Variants in PCYT1B observed in about 807,000 individuals in gnomAD.
PCYT1B encodes choline-phosphate cytidylyltransferase B.
In PCYT1B, 10 loss-of-function variants were observed where a neutral mutation model predicts 26.4. The ratio of observed to expected loss-of-function variants is 0.38; its 90% confidence interval spans 0.23 to 0.64. The LOEUF (loss-of-function observed/expected upper bound fraction) is 0.64, where lower values mean the gene tolerates loss of function less well. Ranked by LOEUF, PCYT1B falls within the 30% of genes least tolerant of loss-of-function variation. The probability of loss-of-function intolerance (pLI) is 0.56; values close to 1 mark genes in which losing one functional copy is unlikely to be tolerated. For synonymous variants in PCYT1B, 131 were observed against 108.4 expected (o/e 1.21, Z -1.29); for missense variants, 161 against 292.7 (o/e 0.55, Z 3.28).
chrX:24,586,946 T>C (rs752594759), intron 5 of PCYT1B, among the ~76,000 whole-genome samples: 1 of 111,758 alleles, frequency 8.9e-6, no homozygotes, highest in Non-Finnish European at 1.9e-5. Flanking sequence ...ATGGCTGCCA[T>C]TTAAGTAATG....
At chrX:24,612,911 G>A (rs1271802860) in intron 2 of PCYT1B, among the ~76,000 whole-genome samples, 1 of 112,236 alleles carries the variant, frequency 8.9e-6, no homozygotes, top group African/African-American at 3.2e-5. Context: ...TATTAACAAG[G>A]CTTGGATTGT....
At chrX:24,666,444 C>T (rs1168546082) in intron 1 of PCYT1B, among the ~76,000 whole-genome samples, 2 of 111,789 alleles carry the variant, frequency 1.8e-5, no homozygotes, top group African/African-American at 6.5e-5. Flanking sequence ...TTAGTCTTTG[C>T]TTCCAAAAGA....
At chrX:24,579,198 A>G (rs1924124198) in intron 6 of PCYT1B, 118 bp downstream of exon 6, 1 of 605,459 alleles carries the variant, frequency 1.7e-6, no homozygotes, top group Admixed American at 3.7e-5. Context: ...AAAAAAAAAA[A>G]AAGAGAGAGA....
intron 3 of PCYT1B, among the ~76,000 whole-genome samples, chrX:24,594,568 G>A (rs1924717606): frequency 8.9e-6 from 1 of 111,734 alleles, no homozygotes; most frequent in African/African-American, 3.3e-5. Flanking sequence ...ATGGCCTACT[G>A]ATAGAGCACA....
In PCYT1B at chrX:24,561,539, T is replaced by C. The variant is rs1317223553; in HGVS notation, c.*754A>G. On this transcript the variant is annotated 3_prime_UTR_variant, in exon 8 of 8. Coordinates refer to ENST00000379144, the MANE Select transcript of PCYT1B (RefSeq NM_004845.5). ...TTATATATTAGGAAGTTTTTCTTTGTTGCAGTTCCCACGGATTAAGGTAAT... is the reference window on the plus strand; with the variant it reads ...TTATATATTAGGAAGTTTTTCTTTGCTGCAGTTCCCACGGATTAAGGTAAT... 1.8e-5 allele frequency: 2 copies of C among 112,561 alleles called. No individual in the cohort carries two copies. Among genetic ancestry groups the C allele is most frequent in the Non-Finnish European group, 3.7e-5 (2 of 53,418 alleles). 9.3% of individuals were successfully genotyped at this position (112,561 alleles called of 1,213,427 possible).
intron 1 of PCYT1B, among the ~76,000 whole-genome samples, chrX:24,626,268 G>C (rs941846094): frequency 8.9e-6 from 1 of 112,064 alleles, no homozygotes; most frequent in Non-Finnish European, 1.9e-5. Context: ...CCACATTTCA[G>C]GTGCTCAATA....
chrX:24,618,670 T>C (rs190727422), intron 2 of PCYT1B, among the ~76,000 whole-genome samples: 49 of 107,871 alleles, frequency 4.5e-4, no homozygotes, highest in African/African-American at 1.6e-3. Flanking sequence ...CAGGCTGGAG[T>C]GCAGTGGCGC....
intron 1 of PCYT1B, among the ~76,000 whole-genome samples, chrX:24,656,744 C>T (rs995174665): frequency 9.3e-6 from 1 of 107,424 alleles, no homozygotes; most frequent in Non-Finnish European, 1.9e-5. Context: ...TTAGTAGAGA[C>T]GGGTCTCAAA....
intron 1 of PCYT1B, among the ~76,000 whole-genome samples, chrX:24,671,045 G>C (rs373281639): frequency 8.8e-4 from 97 of 110,352 alleles, no homozygotes; most frequent in African/African-American, 3.1e-3. Flanking sequence ...TTGGCTCACT[G>C]TAACCTCCAC....
intron 3 of PCYT1B, among the ~76,000 whole-genome samples, chrX:24,601,468 G>A (rs982769118): frequency 1.9e-5 from 2 of 106,262 alleles, no homozygotes; most frequent in African/African-American, 3.5e-5. Flanking sequence ...ACTGCAGCCC[G>A]GGCAACAGAG....
chrX:24,636,990 A>G (rs1489748631), intron 1 of PCYT1B, among the ~76,000 whole-genome samples: 1 of 111,318 alleles, frequency 9.0e-6, no homozygotes, highest in Non-Finnish European at 1.9e-5. Context: ...GTTTGGGGTT[A>G]TTATGAATAA....
chrX:24,600,748 A>C (rs777044566), intron 3 of PCYT1B, among the ~76,000 whole-genome samples: 3 of 111,758 alleles, frequency 2.7e-5, no homozygotes, highest in Non-Finnish European at 5.6e-5. Flanking sequence ...AAAACCTACT[A>C]TAAAGCTACA....
intron 1 of PCYT1B, among the ~76,000 whole-genome samples, chrX:24,644,598 A>G (rs760824043): frequency 5.7e-5 from 6 of 104,919 alleles, no homozygotes; most frequent in Non-Finnish European, 1.0e-4. Context: ...TTCAAATCCC[A>G]GCTCTGCCCC....
chrX:24,605,238 C>T (rs762012190), intron 3 of PCYT1B, among the ~76,000 whole-genome samples: 1 of 111,624 alleles, frequency 9.0e-6, no homozygotes, highest in Admixed American at 9.6e-5. Flanking sequence ...TTAAGATACA[C>T]AAATCAAAAA....
intron 1 of PCYT1B, chrX:24,672,436 GATA>G (rs761289885): frequency 2.2e-6 from 1 of 451,945 alleles, no homozygotes; most frequent in South Asian, 4.3e-5. Context: ...AGACGGAGAA[GATA>G]ATGTTTCCAT....
chrX:24,617,843 C>G (rs1019801857), intron 2 of PCYT1B, among the ~76,000 whole-genome samples: 4 of 111,878 alleles, frequency 3.6e-5, no homozygotes, highest in African/African-American at 1.3e-4. Flanking sequence ...CACTCCTACA[C>G]AGCTGTCTAT....
intron 1 of PCYT1B, among the ~76,000 whole-genome samples, chrX:24,655,540 T>G (rs945296054): frequency 1.6e-4 from 18 of 112,228 alleles, no homozygotes; most frequent in African/African-American, 5.8e-4. Flanking sequence ...CCCAACAATT[T>G]GGGAGGCCGA....
upstream of PCYT1B, among the ~76,000 whole-genome samples, chrX:24,647,587 G>C (rs2050260397): frequency 8.9e-6 from 1 of 112,324 alleles, no homozygotes; most frequent in Non-Finnish European, 1.9e-5. Context: ...TTCCTGAGGG[G>C]CCTAGGACGC....
chrX:24,672,375 A>C (rs1326713356), intron 1 of PCYT1B, among the ~76,000 whole-genome samples: 2 of 111,902 alleles, frequency 1.8e-5, no homozygotes, highest in African/African-American at 6.5e-5. Flanking sequence ...AAGGGGATAA[A>C]GAAATATTAG....
Sources: allele counts gnomAD v4.1 joint callset (sites outside exome capture counted in the v4.1 genomes callset), GRCh38; gene constraint gnomAD v4.1.1; transcripts MANE v1.5; gene names NCBI Gene and HGNC (gene_info 2026-07-23, HGNC 2026-07-21).